BACH1: variants seen among roughly 807,000 people sequenced by gnomAD.
BACH1 encodes the protein transcription regulator protein BACH1.
BACH1 carries 35 observed loss-of-function variants against 52.9 expected under a neutral mutation model. The ratio of observed to expected loss-of-function variants is 0.66; its 90% CI spans 0.51 to 0.88. The LOEUF is 0.88. Ranked by LOEUF, BACH1 falls within the 40% of genes least tolerant of loss-of-function variation. The pLI is 0.00. For missense variants in BACH1, 808 were observed against 872.6 expected (o/e 0.93, Z 0.93); for synonymous variants, 321 against 319.6 (o/e 1.00, Z -0.05).
intron 2 of BACH1, chr21:29,352,556 C>T (rs2089209219): frequency 6.6e-6 from 1 of 151,934 alleles, no homozygotes; most frequent in African/African-American, 2.4e-5. Context: ...TGAATGCCTT[C>T]TTTAATTTGC....
intron 2 of BACH1, among the ~76,000 whole-genome samples, chr21:29,360,318 T>C (rs1329573893): frequency 2.0e-5 from 3 of 152,208 alleles, no homozygotes; most frequent in Admixed American, 6.5e-5. Context: ...TCAAATACTT[T>C]GGGCTCACAA....
At chr21:29,346,908 C>A (rs368358921), downstream of BACH1, among the ~76,000 whole-genome samples, 2 of 151,956 alleles carry the variant, frequency 1.3e-5, no homozygotes, top group African/African-American at 4.8e-5. Flanking sequence ...ATAAGCCTGG[C>A]GTGTTAAAGG....
rs1479565308 is a variant in BACH1 at position 29,326,271 on chromosome 21, C to G, written c.447C>G (p.His149Gln). Residue 149 changes from histidine to glutamine, a missense_variant, in exon 3 of 5, where the codon CAC becomes CAG. By Grantham distance (24) the His-to-Gln change is conservative (BLOSUM62 0). Coordinates refer to ENST00000286800, the MANE Select transcript of BACH1 (RefSeq NM_001186.4). ...ECPRKKCFSS[H>Q]CQKTDLKLSL... ...CAAGAAAAAAATGCTTTTCATCACA[C>G]TGTCAGAAAACAGACCTTAAACTTT... 6.2e-7 allele frequency: 1 copy of G among 1,613,994 alleles called. No homozygotes were observed. The highest frequency in any genetic ancestry group is 8.5e-7 in the Non-Finnish European group (1 of 1,180,018).
In BACH1 at chr21:29,326,686, C is replaced by T; in HGVS notation, c.862C>T (p.Pro288Ser). 1 of 1,614,088 alleles carries T rather than the reference C, an allele frequency of 6.2e-7. No homozygotes were observed. Among genetic ancestry groups the T allele is most frequent in the South Asian group, 1.1e-5 (1 of 91,082 alleles). ...TGACGAAAGTAAATTAGCAATGGAACCTGAAGAAACGAAGAAAGATCCTGC... is the reference window on the plus strand; with the variant it reads ...TGACGAAAGTAAATTAGCAATGGAATCTGAAGAAACGAAGAAAGATCCTGC... Reference protein sequence around the residue: ...KCDESKLAMEPEETKKDPASQ... With the variant: ...KCDESKLAMESEETKKDPASQ... Residue 288 changes from proline (P) to serine (S), a missense_variant, in exon 3 of 5, where the codon CCT (proline) becomes TCT (serine). By Grantham distance (74) the Pro-to-Ser change is moderately conservative. Transcript: ENST00000286800.
At chr21:29,323,616 A>C (rs540973990) in intron 2 of BACH1, among the ~76,000 whole-genome samples, 219 of 152,226 alleles carry the variant, frequency 1.4e-3, no homozygotes, top group African/African-American at 5.0e-3. Context: ...CTCCCAGTCC[A>C]CTGACTCAAA....
At chr21:29,312,486 T>G (rs1242713529) in intron 1 of BACH1, among the ~76,000 whole-genome samples, 1 of 152,214 alleles carries the variant, frequency 6.6e-6, no homozygotes, top group Non-Finnish European at 1.5e-5. Flanking sequence ...TGGTCTCTGT[T>G]TGCAGATGAC....
At position 29,327,235 on chromosome 21, in the gene BACH1, G is replaced by A. The variant is rs775714503; in HGVS notation, c.1411G>A (p.Gly471Ser). 4 of 1,614,142 alleles carry A rather than the reference G, an allele frequency of 2.5e-6. No individual in the cohort carries two copies. The highest frequency in any genetic ancestry group is 2.5e-6 in the Non-Finnish European group (3 of 1,180,032). Residue 471 changes from glycine (G) to serine (S), a missense_variant, in exon 3 of 5, where the codon GGC (glycine) becomes AGC (serine). By Grantham distance (56) the Gly-to-Ser change is moderately conservative. Transcript: ENST00000286800. ...CPFISTLSTE[G>S]CSSNLEIGND... ...TTTTATAAGTACTCTGAGTACTGAA[G>A]GCTGTTCAAGCAATTTGGAAATTGG...
Position 29,342,908 on chromosome 21 carries a change from C to CA in BACH1, c.*76dup, listed in dbSNP as rs1055170673. 2.2e-6 allele frequency: 3 copies of CA among 1,389,526 alleles called. No individual in the cohort carries two copies. Among genetic ancestry groups the CA allele is most frequent in the African/African-American group, 2.9e-5 (2 of 69,266 alleles). The allele number at this position is 1,389,526 out of a possible 1,614,324, so 86.1% of individuals were successfully genotyped here. A position where few individuals can be genotyped will look rare whatever the true frequency, so the allele number is the denominator to read the frequency against. On this transcript the variant is annotated 3_prime_UTR_variant, in exon 5 of 5. Coordinates refer to ENST00000286800, the MANE Select transcript of BACH1 (RefSeq NM_001186.4). ...CAGCGTCTTGAAAGCCTAATATGAC[C>CA]ATCTGTTGCTCAACAATACTGTTTT... is the stretch of plus-strand genomic sequence containing the variant.
intron 2 of BACH1, among the ~76,000 whole-genome samples, chr21:29,355,013 T>C (rs2089224982): frequency 6.6e-6 from 1 of 151,988 alleles, no homozygotes; most frequent in African/African-American, 2.4e-5. Flanking sequence ...AGCAGCAAGA[T>C]TTATTGTGAA....
intron 1 of BACH1, among the ~76,000 whole-genome samples, chr21:29,301,083 AATG>A (rs2088598221): frequency 6.6e-6 from 1 of 152,214 alleles, no homozygotes; most frequent in African/African-American, 2.4e-5. Flanking sequence ...TGGTGAAAAA[AATG>A]ATGATTCCTA....
rs2088915332 is a variant in BACH1 at position 29,326,641 on chromosome 21, T to G, written c.817T>G (p.Leu273Val). Residue 273 changes from leucine (L) to valine (V), a missense_variant, in exon 3 of 5, where the codon TTG (leucine) becomes GTG (valine). By Grantham distance (32) the Leu-to-Val change is conservative. Coordinates refer to ENST00000286800, the MANE Select transcript of BACH1 (RefSeq NM_001186.4). ...CLGGVPECRD[L>V]QVMLKCDESK... ...GGGAGGAGTCCCGGAGTGTAGAGAT[T>G]TGCAGGTGATGTTAAAATGTGACGA... The G allele has an allele frequency of 6.2e-7, 1 of 1,614,044 alleles. No individual in the cohort carries two copies.
At position 29,345,944 on chromosome 21, in the gene BACH1, T is replaced by C. The variant is rs955771841; in HGVS notation, c.*3111T>C. Reference sequence around the variant, plus strand: ...TGATTTTTTTATATCTTTCATAATATAATTTTCTAACAATGCAATAAAACC... The same window carrying C: ...TGATTTTTTTATATCTTTCATAATACAATTTTCTAACAATGCAATAAAACC... On this transcript the variant is annotated 3_prime_UTR_variant, in exon 5 of 5. Transcript: ENST00000286800. 6.6e-6 allele frequency: 1 copy of C among 152,626 alleles called. No homozygotes were observed. The highest frequency in any genetic ancestry group is 2.4e-5 in the African/African-American group (1 of 41,444). The allele number at this position is 152,626 out of a possible 1,614,324, so 9.5% of individuals were successfully genotyped here.
Position 29,327,141 on chromosome 21 carries a change from T to C in BACH1, c.1317T>C (p.Gly439=), listed in dbSNP as rs771359504. The part of the protein sequence containing the change: ...SQKRSECPWL[G]IRISESPEPG... Reference sequence around the variant, plus strand: ...AACGGTCTGAGTGTCCGTGGTTAGGTATCAGGATTAGTGAGAGCCCAGAAC... The same window carrying C: ...AACGGTCTGAGTGTCCGTGGTTAGGCATCAGGATTAGTGAGAGCCCAGAAC... The change falls in exon 3 of 5, where the codon GGT becomes GGC. Residue 439 remains glycine (G), a synonymous_variant. Transcript: ENST00000286800. 1 of 1,614,200 alleles carries C rather than the reference T, an allele frequency of 6.2e-7. No homozygotes were observed. Among genetic ancestry groups the C allele is most frequent in the Non-Finnish European group, 8.5e-7 (1 of 1,180,020 alleles).
chr21:29,338,050 TTAAAG>T (rs2089066484), intron 4 of BACH1, among the ~76,000 whole-genome samples: 1 of 152,066 alleles, frequency 6.6e-6, no homozygotes, highest in Admixed American at 6.5e-5. Context: ...ACCCTAGAAC[TTAAAG>T]TATAATATAA....
intron 4 of BACH1, among the ~76,000 whole-genome samples, chr21:29,333,795 G>A (rs911027889): frequency 6.6e-6 from 1 of 152,210 alleles, no homozygotes; most frequent in Non-Finnish European, 1.5e-5. Flanking sequence ...TTATAATTAT[G>A]TATAAAGGAA....
intron 1 of BACH1, among the ~76,000 whole-genome samples, chr21:29,312,543 C>T (rs534130737): frequency 2.1e-4 from 32 of 152,132 alleles, no homozygotes; most frequent in African/African-American, 6.3e-4. Flanking sequence ...AACAGCTATC[C>T]GAACTAGTAA....
chr21:29,307,165 A>G (rs1008163563), intron 1 of BACH1, among the ~76,000 whole-genome samples: 1 of 152,210 alleles, frequency 6.6e-6, no homozygotes, highest in Non-Finnish European at 1.5e-5. Flanking sequence ...TTAGAATGCA[A>G]ATTCTTGAAT....
chr21:29,311,781 G>A (rs1222717745), intron 1 of BACH1, among the ~76,000 whole-genome samples: 1 of 152,092 alleles, frequency 6.6e-6, no homozygotes, highest in Non-Finnish European at 1.5e-5. Flanking sequence ...TCTGCACATT[G>A]TAAGTTGTAT....
chr21:29,302,050 A>G (rs745732598), intron 1 of BACH1, among the ~76,000 whole-genome samples: 16 of 152,146 alleles, frequency 1.1e-4, no homozygotes, highest in Non-Finnish European at 2.1e-4. Context: ...TTCTCTTCAT[A>G]GTGCTGATCT....
Sources: allele counts gnomAD v4.1 joint callset (sites outside exome capture counted in the v4.1 genomes callset), GRCh38; gene constraint gnomAD v4.1.1; transcripts MANE v1.5; gene names NCBI Gene and HGNC (gene_info 2026-07-23, HGNC 2026-07-21).